ANKLE2: variants seen among roughly 807,000 people sequenced by gnomAD.
The protein encoded by ANKLE2 is ankyrin repeat and LEM domain-containing protein 2.
ANKLE2 carries 55 observed loss-of-function variants against 84.2 expected under a neutral mutation model. The ratio of observed to expected loss-of-function variants is 0.65; its 90% CI spans 0.53 to 0.82. The LOEUF is 0.82. ANKLE2 is among the 40% of genes least tolerant of loss of function. The pLI, the probability that ANKLE2 is intolerant of heterozygous loss-of-function variation, is 0.00. For synonymous variants in ANKLE2, 551 were observed against 486.1 expected, an observed-to-expected ratio of 1.13 and a Z score of -1.76; for missense variants, 1,238 against 1,201.9, an observed-to-expected ratio of 1.03 and a Z score of -0.44.
At chr12:132,759,872 A>G (rs113841013) in intron 1 of ANKLE2, 87 of 152,060 alleles carry the variant, frequency 5.7e-4, no homozygotes, top group African/African-American at 1.5e-3. Context: ...GATGGCTCAC[A>G]CCTGTAATCC....
At chr12:132,751,782 A>G (rs1332767149) in intron 2 of ANKLE2, among the ~76,000 whole-genome samples, 2 of 152,014 alleles carry the variant, frequency 1.3e-5, no homozygotes, top group Admixed American at 6.5e-5. Flanking sequence ...ACCTTAGGTG[A>G]CCTGCCCACC....
Position 132,750,709 on chromosome 12 carries a change from T to G in ANKLE2, c.781A>C (p.Ser261Arg). 6.2e-7 allele frequency: 1 copy of G among 1,614,248 alleles called. No homozygotes were observed. The highest frequency in any genetic ancestry group is 1.1e-5 in the South Asian group (1 of 91,086). ...RGICDYFPSP[S>R]KTSLPLSPVK... The stretch of plus-strand genomic sequence containing the variant: ...GGAGACAGTGGTAAGGACGTTTTGC[T>G]TGGAGAAGGGAAATAATCACAAATT... Residue 261 changes from serine (S) to arginine (R), a missense_variant, in exon 3 of 13, where the codon AGC becomes CGC. Coordinates refer to ENST00000357997, the MANE Select transcript of ANKLE2 (RefSeq NM_015114.3).
chr12:132,753,328 A>C (rs2044400231), intron 2 of ANKLE2, among the ~76,000 whole-genome samples: 2 of 152,160 alleles, frequency 1.3e-5, no homozygotes, highest in Admixed American at 6.5e-5. Flanking sequence ...TCTCAAAAAA[A>C]AAAACCACCA....
chr12:132,735,576 G>C, intron 8 of ANKLE2, 64 bp from the exon 9 acceptor site: 1 of 1,359,752 alleles, frequency 7.4e-7, no homozygotes, highest in Non-Finnish European at 1.0e-6. Flanking sequence ...GCGGAAACCT[G>C]AAGAGCCGTC....
chr12:132,728,200 G>A (rs751987158), intron 11 of ANKLE2, 37 bp from the exon 12 acceptor site: 2 of 1,601,106 alleles, frequency 1.2e-6, no homozygotes, highest in South Asian at 2.3e-5. Flanking sequence ...AACATCTTTG[G>A]TAAAAACATA....
In ANKLE2 at chr12:132,741,449, G is replaced by A; in HGVS notation, c.1390C>T (p.Leu464=). Residue 464 remains leucine, a synonymous_variant, in exon 7 of 13, where the codon CTG becomes TTG. Coordinates refer to ENST00000357997, the MANE Select transcript of ANKLE2 (RefSeq NM_015114.3). ...AAATACTCTCTGATCCGCTCCTTCA[G>A]TTCCACAGATTTATTTTTGCTTCTT... The part of the protein sequence containing the change: ...CERSKNKSVE[L]KERIREYLKG... 1 of 1,614,196 alleles carries A rather than the reference G, an allele frequency of 6.2e-7. No homozygotes were observed. Among genetic ancestry groups the A allele is most frequent in the South Asian group, 1.1e-5 (1 of 91,090 alleles).
At position 132,734,571 on chromosome 12, in the gene ANKLE2, G is replaced by C. The variant is rs760547614; in HGVS notation, c.1705C>G (p.Leu569Val). 1 of 1,606,154 alleles carries C rather than the reference G, an allele frequency of 6.2e-7. No individual in the cohort carries two copies. Among genetic ancestry groups the C allele is most frequent in the Admixed American group, 1.7e-5 (1 of 57,538 alleles). Reference protein sequence around the residue: ...ERGFERVGRELAHELGYPWVE... With the variant: ...ERGFERVGREVAHELGYPWVE... ...CAGGGATACCCCAGCTCATGAGCTA[G>C]CTCCCTGTAAGAAACAAAACACAAT... The change falls in exon 10 of 13, where the codon CTA becomes GTA. Residue 569 changes from leucine to valine, a missense_variant. By Grantham distance (32) the Leu-to-Val change is conservative. Around this residue, in one of 3 missense-constraint regions of ANKLE2, gnomAD observed 802 missense variants for 774.5 expected, o/e 1.04. Coordinates refer to ENST00000357997, the MANE Select transcript of ANKLE2 (RefSeq NM_015114.3).
At chr12:132,759,139 ACCCACG>A (rs2044553998) in intron 1 of ANKLE2, 1 of 61,306 alleles carries the variant, frequency 1.6e-5, no homozygotes, top group Non-Finnish European at 3.0e-5. Flanking sequence ...ACCCCGGGGC[ACCCACG>A]TGGCAGAGAG....
At chr12:132,754,441 G>A (rs2044431192) in intron 2 of ANKLE2, among the ~76,000 whole-genome samples, 1 of 152,156 alleles carries the variant, frequency 6.6e-6, no homozygotes, top group Admixed American at 6.6e-5. Flanking sequence ...TCTCAGTCCA[G>A]CATATCTCAT....
At position 132,727,235 on chromosome 12, in the gene ANKLE2, G is replaced by T; in HGVS notation, c.*7C>A. On this transcript the variant is annotated 3_prime_UTR_variant, in exon 13 of 13. Coordinates refer to ENST00000357997, the MANE Select transcript of ANKLE2 (RefSeq NM_015114.3). ...ATGAAGAACAAACCGAGAGCCCAGC[G>T]CCAAGCCTACAGGGCGGCAAGCTCA... The T allele has an allele frequency of 6.5e-7, 1 of 1,545,550 alleles. No individual in the cohort carries two copies. The highest frequency in any genetic ancestry group is 8.7e-7 in the Non-Finnish European group (1 of 1,143,058).
Position 132,734,373 on chromosome 12 carries a change from G to A in ANKLE2, c.1891+12C>T, listed in dbSNP as rs755597253. On this transcript the variant is annotated intron_variant, in intron 10 of 12. Coordinates refer to ENST00000357997, the MANE Select transcript of ANKLE2 (RefSeq NM_015114.3). ...CCTCCCAGCTGCCACAGCCACGCCT[G>A]CACATGCTTACCAGACGTGGTGGCT... is the stretch of plus-strand genomic sequence containing the variant. The A allele has an allele frequency of 5.6e-6, 9 of 1,612,988 alleles. No homozygotes were observed. The highest frequency in any genetic ancestry group is 1.7e-5 in the Admixed American group (1 of 59,708).
At position 132,735,387 on chromosome 12, in the gene ANKLE2, C is replaced by T. The variant is rs958477977; in HGVS notation, c.1700+19G>A. On this transcript the variant is annotated intron_variant, in intron 9 of 12. Transcript: ENST00000357997. ...ACCAACTGTGTGCCCCACGCTGCTG[C>T]GGCTCAGCCTTTCAGTACCTTCCCA... 6.2e-6 allele frequency: 10 copies of T among 1,605,670 alleles called. No individual in the cohort carries two copies. Among genetic ancestry groups the T allele is most frequent in the Middle Eastern group, 3.3e-4 (2 of 6,044 alleles).
At chr12:132,727,829 A>C (rs1383808755) in intron 12 of ANKLE2, among the ~76,000 whole-genome samples, 1 of 152,172 alleles carries the variant, frequency 6.6e-6, no homozygotes, top group African/African-American at 2.4e-5. Context: ...TCAGCTTGTC[A>C]GGAGCTGACC....
chr12:132,727,464 CTG>C (rs751221360), intron 12 of ANKLE2, 21 bp from the exon 13 acceptor site: 3 of 1,550,832 alleles, frequency 1.9e-6, no homozygotes. Context: ...CAAGAAAGAA[CTG>C]TTAGCAGACG....
intron 2 of ANKLE2, 83 bp downstream of exon 2, chr12:132,754,592 G>A (rs2044433538): frequency 7.3e-7 from 1 of 1,370,046 alleles, no homozygotes; most frequent in Non-Finnish European, 9.9e-7. Flanking sequence ...TTCTTAATCT[G>A]TAGTTTTCCA....
chr12:132,729,733 T>C lies in ANKLE2; in HGVS notation c.2429A>G (p.His810Arg), dbSNP rs773697339. The part of the protein sequence containing the change: ...KMSLSPSSPR[H>R]EDQLEVTREP... ...CCTGGTGACCTCGAGCTGATCCTCG[T>C]GCCTGGGGCTGCTGGGACTCAAGGA... The change falls in exon 11 of 13, where the codon CAC (histidine) becomes CGC (arginine). Residue 810 changes from histidine to arginine, a missense_variant. His to Arg is a conservative substitution (Grantham distance 29, BLOSUM62 0). Coordinates refer to ENST00000357997, the MANE Select transcript of ANKLE2 (RefSeq NM_015114.3). 4 of 1,610,726 alleles carry C rather than the reference T, an allele frequency of 2.5e-6. No individual in the cohort carries two copies. The highest frequency in any genetic ancestry group is 3.4e-6 in the Non-Finnish European group (4 of 1,179,334).
At chr12:132,753,016 T>C (rs2044391209) in intron 2 of ANKLE2, among the ~76,000 whole-genome samples, 1 of 149,910 alleles carries the variant, frequency 6.7e-6, no homozygotes, top group Non-Finnish European at 1.5e-5. Flanking sequence ...AAAAATTTAA[T>C]TACCTAGGTG....
intron 10 of ANKLE2, chr12:132,733,971 G>T (rs558713619): frequency 1.3e-5 from 6 of 457,854 alleles, no homozygotes; most frequent in South Asian, 9.3e-5. Flanking sequence ...TACCCTCCCC[G>T]ACACACAACC....
At chr12:132,734,987 C>T (rs1304475134) in intron 9 of ANKLE2, 4 of 289,950 alleles carry the variant, frequency 1.4e-5, no homozygotes, top group African/African-American at 9.1e-5. Flanking sequence ...CAGTTGTACA[C>T]CTGACACTGG....
Sources: allele counts gnomAD v4.1 joint callset (sites outside exome capture counted in the v4.1 genomes callset), GRCh38; gene constraint gnomAD v4.1.1; regional missense constraint gnomAD v4.1.1; transcripts MANE v1.5; gene names NCBI Gene and HGNC (gene_info 2026-07-23, HGNC 2026-07-21).